Variants in MYO1E observed in about 807,000 individuals in gnomAD.
MYO1E encodes myosin IE.
Under a neutral mutation model 151.1 loss-of-function variants are expected in MYO1E, and 68 were observed. The observed-to-expected ratio is 0.45, with a 90% CI of 0.37 to 0.55. The LOEUF is 0.55. MYO1E is among the 20% of genes least tolerant of loss of function. MYO1E has a pLI of 0.00. For synonymous variants in MYO1E, 601 were observed against 501.7 expected (o/e 1.20, Z -2.64); for missense variants, 1,363 against 1,389.3 (o/e 0.98, Z 0.30).
At chr15:59,302,146 A>G (rs1024225778) in intron 1 of MYO1E, among the ~76,000 whole-genome samples, 1 of 152,176 alleles carries the variant, frequency 6.6e-6, no homozygotes, top group Non-Finnish European at 1.5e-5. Flanking sequence ...GGAGAAAAAA[A>G]GGCAGGAAAA....
At chr15:59,266,506 T>A (rs2080254164) in intron 2 of MYO1E, among the ~76,000 whole-genome samples, 1 of 152,126 alleles carries the variant, frequency 6.6e-6, no homozygotes, top group African/African-American at 2.4e-5. Flanking sequence ...AAACAAACAA[T>A]GCACTGAATT....
chr15:59,350,738 G>C lies in MYO1E; in HGVS notation c.3+21760C>G, dbSNP rs1221258971. 3.3e-5 allele frequency among the ~76,000 whole-genome samples: 5 copies of C among 152,212 alleles called. No individual in the cohort carries two copies. Among genetic ancestry groups the C allele is most frequent in the African/African-American group, 9.6e-5 (4 of 41,452 alleles). On this transcript the variant is annotated intron_variant, in intron 1 of 27. Transcript: ENST00000288235. The surrounding 1 kb of genome is among the most constrained non-coding windows in gnomAD (Gnocchi z 5.0). The stretch of plus-strand genomic sequence containing the variant: ...GGCTGTAAGAGACTGTGTGAAAACA[G>C]ATAACAATGCAAGATGACATAGTTT...
intron 1 of MYO1E, among the ~76,000 whole-genome samples, chr15:59,287,946 A>G (rs1466250449): frequency 6.6e-6 from 1 of 152,238 alleles, no homozygotes; most frequent in African/African-American, 2.4e-5. Flanking sequence ...TTTAAAGTAG[A>G]TGATAGTCAT....
At chr15:59,164,561 G>T (rs576453877) in intron 22 of MYO1E, among the ~76,000 whole-genome samples, 28 of 152,270 alleles carry the variant, frequency 1.8e-4, no homozygotes, top group African/African-American at 6.3e-4. Flanking sequence ...ATGAGGCAAG[G>T]GGATCACAAG....
At chr15:59,288,671 CTAA>C (rs1399941127) in intron 1 of MYO1E, among the ~76,000 whole-genome samples, 2 of 152,070 alleles carry the variant, frequency 1.3e-5, no homozygotes, top group Admixed American at 6.6e-5. Context: ...TCTCATCTGG[CTAA>C]TAAGATAATA....
In MYO1E at chr15:59,136,851, G is replaced by C; in HGVS notation, c.*529C>G. The C allele has an allele frequency of 2.3e-6, 1 of 443,938 alleles. No homozygotes were observed. Among genetic ancestry groups the C allele is most frequent in the Admixed American group, 2.4e-5 (1 of 40,984 alleles). The allele number at this position is 443,938 out of a possible 1,614,324, so 27.5% of individuals were successfully genotyped here. A position where few individuals can be genotyped will look rare whatever the true frequency, so the allele number is the denominator to read the frequency against. On this transcript the variant is annotated 3_prime_UTR_variant, in exon 28 of 28. Coordinates refer to ENST00000288235, the MANE Select transcript of MYO1E (RefSeq NM_004998.4). ...CTGTCGCCCTGGGCTCAGCAGGCCAGCTTACCCTTGGCACGTACATGGGAA... is the reference window on the plus strand; with the variant it reads ...CTGTCGCCCTGGGCTCAGCAGGCCACCTTACCCTTGGCACGTACATGGGAA...
chr15:59,136,527 T>C lies in MYO1E; in HGVS notation c.*853A>G, dbSNP rs1231046786. On this transcript the variant is annotated 3_prime_UTR_variant, in exon 28 of 28. Coordinates refer to ENST00000288235, the MANE Select transcript of MYO1E (RefSeq NM_004998.4). ...CATCTTTAAGTACCTGGTGTGAGTTTTGTAAGAAAACCTACCTTATGAATG... is the reference window on the plus strand; with the variant it reads ...CATCTTTAAGTACCTGGTGTGAGTTCTGTAAGAAAACCTACCTTATGAATG... 3.1e-6 allele frequency: 1 copy of C among 321,964 alleles called. No homozygotes were observed. Among genetic ancestry groups the C allele is most frequent in the East Asian group, 7.6e-5 (1 of 13,084 alleles). The allele number at this position is 321,964 out of a possible 1,614,324, so 19.9% of individuals were successfully genotyped here.
At chr15:59,304,014 C>T (rs1389700440) in intron 1 of MYO1E, among the ~76,000 whole-genome samples, 11 of 145,464 alleles carry the variant, frequency 7.6e-5, no homozygotes, top group Middle Eastern at 3.5e-3. Flanking sequence ...GGGAGTTTCG[C>T]TCTTGTCACC....
intron 1 of MYO1E, among the ~76,000 whole-genome samples, chr15:59,351,621 A>G (rs1175321293): frequency 6.6e-6 from 1 of 152,180 alleles, no homozygotes; most frequent in Non-Finnish European, 1.5e-5. Context: ...ACCGGGGGAT[A>G]AGAGTGAAGA....
intron 1 of MYO1E, among the ~76,000 whole-genome samples, chr15:59,299,601 T>C (rs1423925442): frequency 6.6e-6 from 1 of 152,206 alleles, no homozygotes; most frequent in African/African-American, 2.4e-5. Context: ...ATTCAATTCT[T>C]TCATCTTCTA....
At chr15:59,322,206 A>G (rs2080631019) in intron 1 of MYO1E, among the ~76,000 whole-genome samples, 1 of 151,928 alleles carries the variant, frequency 6.6e-6, no homozygotes, top group African/African-American at 2.4e-5. Context: ...TAGAAAGAAA[A>G]GAAAAACTAA....
At chr15:59,343,491 C>T (rs1213678100) in intron 1 of MYO1E, among the ~76,000 whole-genome samples, 1 of 152,014 alleles carries the variant, frequency 6.6e-6, no homozygotes, top group Admixed American at 6.6e-5. Context: ...GAGGTAATTT[C>T]CTTTTAGTTA....
At chr15:59,229,585 T>C (rs1403150725) in intron 6 of MYO1E, among the ~76,000 whole-genome samples, 1 of 152,250 alleles carries the variant, frequency 6.6e-6, no homozygotes, top group Admixed American at 6.5e-5. Flanking sequence ...CCTCGACTCT[T>C]GGTAATGATT....
chr15:59,282,388 G>T (rs1299443874), intron 1 of MYO1E, among the ~76,000 whole-genome samples: 2 of 152,136 alleles, frequency 1.3e-5, no homozygotes, highest in Admixed American at 1.3e-4. Flanking sequence ...CAGGGTCAGG[G>T]CTTGTCTTGA....
intron 26 of MYO1E, among the ~76,000 whole-genome samples, chr15:59,150,383 A>G (rs578035417): frequency 1.8e-4 from 27 of 152,320 alleles, no homozygotes; most frequent in African/African-American, 6.3e-4. Context: ...CTTGGTTAAG[A>G]CACAGTGTTC....
intron 4 of MYO1E, 93 bp from the exon 5 acceptor site, chr15:59,236,765 C>T: frequency 8.5e-7 from 1 of 1,173,874 alleles, no homozygotes; most frequent in Non-Finnish European, 1.2e-6. Context: ...AACAAACAAA[C>T]AAAAAAACAA....
chr15:59,255,739 A>G (rs1431341249), intron 4 of MYO1E, among the ~76,000 whole-genome samples: 2 of 152,176 alleles, frequency 1.3e-5, no homozygotes, highest in African/African-American at 4.8e-5. Flanking sequence ...ATGTTTTAAG[A>G]AAGTTTACGA....
chr15:59,218,193 A>C (rs2079931904), intron 9 of MYO1E, 106 bp from the exon 10 acceptor site: 4 of 1,356,330 alleles, frequency 2.9e-6, no homozygotes, highest in Non-Finnish European at 3.1e-6. Flanking sequence ...GTGTGTGTGC[A>C]TAGAAGGCAC....
chr15:59,338,806 A>T (rs1210179111), intron 1 of MYO1E, among the ~76,000 whole-genome samples: 1 of 152,228 alleles, frequency 6.6e-6, no homozygotes, highest in African/African-American at 2.4e-5. Flanking sequence ...ATCTAAAAAT[A>T]GACATTTAAA....
Sources: allele counts gnomAD v4.1 joint callset (sites outside exome capture counted in the v4.1 genomes callset), GRCh38; gene constraint gnomAD v4.1.1; non-coding constraint Gnocchi (gnomAD v3.1); transcripts MANE v1.5; gene names NCBI Gene and HGNC (gene_info 2026-07-23, HGNC 2026-07-21).